The following MAP4K4 variants were observed in gnomAD, a reference collection of about 807,000 sequenced individuals.
The protein encoded by MAP4K4 is HPK/GCK-like kinase HGK.
In MAP4K4, 38 loss-of-function variants were observed where a neutral mutation model predicts 189.6. The observed-to-expected ratio is 0.20, with a 90% CI of 0.15 to 0.26. MAP4K4 has a LOEUF of 0.26. MAP4K4 is among the 10% of genes least tolerant of loss of function. The probability of loss-of-function intolerance (pLI) is 1.00; values close to 1 mark genes in which losing one functional copy is unlikely to be tolerated. For synonymous variants in MAP4K4, 610 were observed against 624.3 expected, an observed-to-expected ratio of 0.98 and a Z score of 0.34; for missense variants, 1,054 against 1,726.9, an observed-to-expected ratio of 0.61 and a Z score of 6.91.
intron 17 of MAP4K4, among the ~76,000 whole-genome samples, chr2:101,864,707 C>T (rs1577018451): frequency 6.6e-6 from 1 of 152,284 alleles, no homozygotes; most frequent in Admixed American, 6.5e-5. Context: ...GTTACAGGAG[C>T]ATAGAAAGCC....
exon 33 of MAP4K4, chr2:101,893,261 C>T (rs2098594721): frequency 2.2e-6 from 1 of 456,228 alleles, no homozygotes; most frequent in Non-Finnish European, 4.4e-6. Context: ...CCTGTAAAGA[C>T]AAGCTGAGAA....
intron 2 of MAP4K4, among the ~76,000 whole-genome samples, chr2:101,749,971 C>T (rs1317548284): frequency 7.3e-6 from 1 of 136,786 alleles, no homozygotes. Context: ...TACCATCTCA[C>T]ACCAGTTAGA....
At chr2:101,796,893 G>T (rs2093755366) in intron 3 of MAP4K4, among the ~76,000 whole-genome samples, 1 of 152,164 alleles carries the variant, frequency 6.6e-6, no homozygotes, top group African/African-American at 2.4e-5. Flanking sequence ...GAGCAGCCAA[G>T]TAAGAATCTG....
At chr2:101,745,785 C>T (rs556091994) in intron 2 of MAP4K4, among the ~76,000 whole-genome samples, 61 of 151,756 alleles carry the variant, frequency 4.0e-4, no homozygotes, top group Middle Eastern at 3.5e-3. Context: ...GATCCACTAG[C>T]TTGTAAAACA....
At chr2:101,775,591 C>A (rs1558862887) in intron 2 of MAP4K4, among the ~76,000 whole-genome samples, 1 of 152,092 alleles carries the variant, frequency 6.6e-6, no homozygotes, top group Non-Finnish European at 1.5e-5. Flanking sequence ...TGTGCAGGCC[C>A]TGGGCTAGTG....
At chr2:101,839,981 G>A in exon 10 of MAP4K4, 1 of 1,597,054 alleles carries the variant, frequency 6.3e-7, no homozygotes, top group Non-Finnish European at 8.5e-7. Context: ...CCAGGAAGAA[G>A]AGAGGCGAGA....
intron 3 of MAP4K4, among the ~76,000 whole-genome samples, chr2:101,808,175 G>A (rs1035020065): frequency 1.3e-5 from 2 of 152,198 alleles, no homozygotes; most frequent in African/African-American, 4.8e-5. Context: ...AATGCCCATG[G>A]CTCCTTACCT....
chr2:101,891,157 C>A lies in MAP4K4; in HGVS notation c.4072-9C>A, dbSNP rs552948716. The A allele has an allele frequency of 1.9e-6, 3 of 1,612,290 alleles. No individual in the cohort carries two copies. Among genetic ancestry groups the A allele is most frequent in the South Asian group, 1.1e-5 (1 of 91,046 alleles). On this transcript the variant is annotated splice_polypyrimidine_tract_variant and intron_variant, in intron 32 of 32. Transcript: ENST00000324219. ...GGTAACCATTCCCTCTCTTTTCTTG[C>A]TTTTGCAGGTGTTCTTTGCCTCTGT...
chr2:101,872,846 C>T (rs1487762409), intron 24 of MAP4K4, among the ~76,000 whole-genome samples: 4 of 152,210 alleles, frequency 2.6e-5, no homozygotes, highest in Non-Finnish European at 5.9e-5. Flanking sequence ...CCCACCTACA[C>T]TCACATTCTT....
At chr2:101,817,297 T>C (rs1230150875) in intron 3 of MAP4K4, among the ~76,000 whole-genome samples, 1 of 152,128 alleles carries the variant, frequency 6.6e-6, no homozygotes, top group Non-Finnish European at 1.5e-5. Context: ...AGTGATCTTA[T>C]TTGCATTTAT....
intron 6 of MAP4K4, among the ~76,000 whole-genome samples, chr2:101,831,236 A>AT (rs2096586930): frequency 6.6e-6 from 1 of 151,014 alleles, no homozygotes; most frequent in Non-Finnish European, 1.5e-5. Flanking sequence ...TGAATATGTG[A>AT]TTTAGCTTGA....
At chr2:101,725,115 CG>C (rs1304660942) in intron 2 of MAP4K4, among the ~76,000 whole-genome samples, 2 of 152,140 alleles carry the variant, frequency 1.3e-5, no homozygotes, top group African/African-American at 4.8e-5. Context: ...TTTCACAGAA[CG>C]TGTCCTCATC....
intron 2 of MAP4K4, among the ~76,000 whole-genome samples, chr2:101,779,007 G>GT (rs1188773516): frequency 6.6e-6 from 1 of 151,924 alleles, no homozygotes; most frequent in Non-Finnish European, 1.5e-5. Context: ...AAATAGGGAT[G>GT]TTTTTCTTCA....
intron 2 of MAP4K4, among the ~76,000 whole-genome samples, chr2:101,779,571 G>A (rs183583389): frequency 5.3e-5 from 8 of 152,296 alleles, no homozygotes; most frequent in South Asian, 4.1e-4. Flanking sequence ...AAAAGATGAT[G>A]CTTTGAGGAG....
At chr2:101,739,015 C>T (rs1198698052) in intron 2 of MAP4K4, among the ~76,000 whole-genome samples, 1 of 152,066 alleles carries the variant, frequency 6.6e-6, no homozygotes, top group African/African-American at 2.4e-5. Flanking sequence ...CTTGGTACCT[C>T]TGGTAAGGCA....
intron 2 of MAP4K4, among the ~76,000 whole-genome samples, chr2:101,759,025 C>T (rs1468826113): frequency 2.7e-5 from 4 of 150,858 alleles, no homozygotes; most frequent in African/African-American, 7.3e-5. Context: ...CCCAGCTACT[C>T]GGGAGGCTGA....
intron 20 of MAP4K4, 59 bp from the exon 21 acceptor site, chr2:101,867,970 C>T (rs777845569): frequency 3.1e-6 from 5 of 1,587,378 alleles, no homozygotes; most frequent in Non-Finnish European, 4.3e-6. Flanking sequence ...CTTCCTTGTA[C>T]TGTGCATTCC....
At chr2:101,703,030 G>C (rs921953500) in intron 2 of MAP4K4, among the ~76,000 whole-genome samples, 2 of 152,154 alleles carry the variant, frequency 1.3e-5, no homozygotes, top group Admixed American at 6.5e-5. Context: ...GTATTATTTG[G>C]ACTTGAGGAG....
intron 5 of MAP4K4, among the ~76,000 whole-genome samples, chr2:101,828,200 G>A (rs1243410794): frequency 2.0e-5 from 3 of 152,238 alleles, no homozygotes; most frequent in African/African-American, 7.2e-5. Flanking sequence ...TGTTGGACAA[G>A]ATGTGGGTGC....
Sources: gnomAD v4.1 joint callset for allele counts (sites outside exome capture counted in the v4.1 genomes callset) on GRCh38, gnomAD v4.1.1 for gene constraint, MANE v1.5 for transcripts, NCBI Gene and HGNC (gene_info 2026-07-23, HGNC 2026-07-21) for gene names.